SGCZ: variants seen among roughly 807,000 people sequenced by gnomAD.
The protein encoded by SGCZ is zeta-sarcoglycan.
SGCZ carries 40 observed loss-of-function variants against 41.3 expected under a neutral mutation model. The observed-to-expected ratio is 0.97, with a 90% CI of 0.75 to 1.26. The LOEUF is 1.26. SGCZ is among the 50% of genes most tolerant of loss of function. The pLI, the probability that SGCZ is intolerant of heterozygous loss-of-function variation, is 0.00. For missense variants in SGCZ, 552 were observed against 369.8 expected (o/e 1.49, Z -4.04); for synonymous variants, 206 against 137.5 (o/e 1.50, Z -3.49).
chr8:14,430,023 T>C (rs1421784562), intron 2 of SGCZ, among the ~76,000 whole-genome samples: 3 of 152,170 alleles, frequency 2.0e-5, no homozygotes, highest in East Asian at 1.9e-4. Flanking sequence ...TCATTTCTAA[T>C]TGAGCTTATT....
Position 14,269,688 on chromosome 8 carries a change from C to CA in SGCZ, c.337-32010dup, listed in dbSNP as rs562225109. Among the ~76,000 whole-genome samples, 103 of 152,120 alleles carry CA rather than the reference C, an allele frequency of 6.8e-4. 1 individual carries two copies. In the East Asian group the frequency reaches 0.013, roughly 19 times the overall value. Reference sequence around the variant, plus strand: ...TCTTTAAGTCAAAAATTCTGGAGGACAAAATGCTATGACATGATGCTGTCA... The same window carrying CA: ...TCTTTAAGTCAAAAATTCTGGAGGACAAAAATGCTATGACATGATGCTGTCA... On this transcript the variant is annotated intron_variant, in intron 3 of 7. Coordinates refer to ENST00000382080, the MANE Select transcript of SGCZ (RefSeq NM_139167.4).
intron 5 of SGCZ, among the ~76,000 whole-genome samples, chr8:14,137,052 C>G (rs996769550): frequency 6.6e-6 from 1 of 152,202 alleles, no homozygotes; most frequent in South Asian, 2.1e-4. Context: ...TGGACCTCCA[C>G]TAAACTCCAA....
At chr8:14,119,448 A>C (rs1802626112) in intron 5 of SGCZ, among the ~76,000 whole-genome samples, 1 of 152,178 alleles carries the variant, frequency 6.6e-6, no homozygotes. Flanking sequence ...TTATGAGCTT[A>C]AGGAGATTTT....
intron 3 of SGCZ, among the ~76,000 whole-genome samples, chr8:14,266,676 G>A (rs1217487492): frequency 2.6e-5 from 4 of 151,942 alleles, no homozygotes; most frequent in African/African-American, 9.7e-5. Flanking sequence ...TCATTGTGAG[G>A]GTTTTTATCT....
rs138702334 is a variant in SGCZ at position 15,067,214 on chromosome 8, C to T, written c.39+170371G>A. Among the ~76,000 whole-genome samples, 1,051 of 152,162 alleles carry T rather than the reference C, an allele frequency of 6.9e-3. 11 individuals are homozygous for T. Among genetic ancestry groups the T allele is most frequent in the African/African-American group, 0.024 (990 of 41,538 alleles). On this transcript the variant is annotated intron_variant, in intron 1 of 7. Transcript: ENST00000382080. The stretch of plus-strand genomic sequence containing the variant: ...CTTTCATCACAAAACCCATATCCTC[C>T]GGCTTGCCTACACACTCCACCAACC...
chr8:14,143,219 G>C (rs1262212681), intron 5 of SGCZ, among the ~76,000 whole-genome samples: 1 of 152,124 alleles, frequency 6.6e-6, no homozygotes, highest in Non-Finnish European at 1.5e-5. Context: ...TGTACGTAAT[G>C]ATGAAAGACT....
intron 1 of SGCZ, among the ~76,000 whole-genome samples, chr8:14,655,960 C>A (rs6982610): frequency 0.57 from 86,990 of 151,818 alleles, 25,417 homozygotes; most frequent in East Asian, 0.72. Context: ...GCTGAAGACC[C>A]ATCCATCGTC....
intron 1 of SGCZ, among the ~76,000 whole-genome samples, chr8:14,894,611 G>A (rs1259020889): frequency 6.6e-6 from 1 of 152,040 alleles, no homozygotes; most frequent in Non-Finnish European, 1.5e-5. Context: ...TTCATACCCC[G>A]AGGAAGAAAT....
intron 1 of SGCZ, among the ~76,000 whole-genome samples, chr8:14,686,341 A>C (rs1200542661): frequency 2.6e-5 from 4 of 152,180 alleles, no homozygotes; most frequent in Non-Finnish European, 5.9e-5. Context: ...AAAAGAAAAA[A>C]ATCTGGTGCA....
intron 3 of SGCZ, among the ~76,000 whole-genome samples, chr8:14,302,913 C>A (rs541559217): frequency 6.6e-6 from 1 of 152,234 alleles, no homozygotes; most frequent in South Asian, 2.1e-4. Flanking sequence ...TTTTCAATTT[C>A]ATTGAGAGAA....
At chr8:15,030,452 A>G (rs1803619697) in intron 1 of SGCZ, among the ~76,000 whole-genome samples, 1 of 152,176 alleles carries the variant, frequency 6.6e-6, no homozygotes. Context: ...TTTTCAGGGT[A>G]ATGACTGAAA....
intron 1 of SGCZ, among the ~76,000 whole-genome samples, chr8:14,794,553 T>C (rs569077178): frequency 1.3e-5 from 2 of 152,136 alleles, no homozygotes; most frequent in Admixed American, 6.5e-5. Flanking sequence ...CTGTACAAAA[T>C]AAGAGAACCA....
intron 1 of SGCZ, among the ~76,000 whole-genome samples, chr8:14,924,476 G>A (rs1409403018): frequency 2.6e-5 from 4 of 151,734 alleles, no homozygotes; most frequent in African/African-American, 7.3e-5. Flanking sequence ...CCATTAATAG[G>A]TTTTATATTT....
At chr8:14,167,192 T>A (rs1290998482) in intron 4 of SGCZ, among the ~76,000 whole-genome samples, 1 of 152,206 alleles carries the variant, frequency 6.6e-6, no homozygotes, top group Non-Finnish European at 1.5e-5. Flanking sequence ...TATATTAGGC[T>A]TTATGAAACT....
At chr8:14,217,020 G>A (rs1806017274) in intron 4 of SGCZ, among the ~76,000 whole-genome samples, 1 of 152,166 alleles carries the variant, frequency 6.6e-6, no homozygotes, top group Non-Finnish European at 1.5e-5. Flanking sequence ...GGGCACGGTG[G>A]CTCACGCCTG....
chr8:14,694,124 G>C (rs1375708463), intron 1 of SGCZ, among the ~76,000 whole-genome samples: 1 of 152,064 alleles, frequency 6.6e-6, no homozygotes, highest in Non-Finnish European at 1.5e-5. Flanking sequence ...AATATAATAT[G>C]TATGAAAAAC....
chr8:14,112,244 A>G (rs1047047458), intron 5 of SGCZ, among the ~76,000 whole-genome samples: 3 of 147,982 alleles, frequency 2.0e-5, no homozygotes, highest in African/African-American at 7.5e-5. Context: ...TTCCAATAAA[A>G]TCAACTATGA....
At chr8:14,401,229 T>C (rs1799062766) in intron 2 of SGCZ, among the ~76,000 whole-genome samples, 1 of 152,178 alleles carries the variant, frequency 6.6e-6, no homozygotes, top group East Asian at 1.9e-4. Flanking sequence ...ACATAGGTCA[T>C]AATCAATACT....
intron 1 of SGCZ, among the ~76,000 whole-genome samples, chr8:15,007,907 A>C (rs934314336): frequency 3.3e-5 from 5 of 152,212 alleles, no homozygotes; most frequent in African/African-American, 1.2e-4. Flanking sequence ...TTTTAAAATT[A>C]GTTCAAATAT....
Sources: allele counts gnomAD v4.1 joint callset (sites outside exome capture counted in the v4.1 genomes callset), GRCh38; gene constraint gnomAD v4.1.1; transcripts MANE v1.5; gene names NCBI Gene and HGNC (gene_info 2026-07-23, HGNC 2026-07-21).